LRRC53: variants seen among roughly 807,000 people sequenced by gnomAD.
The protein encoded by LRRC53 is leucine rich repeat containing 53.
In LRRC53, 25 loss-of-function variants were observed where a neutral mutation model predicts 13.6. The observed-to-expected ratio is 1.83, with a 90% confidence interval of 1.34 to 2.56. The LOEUF (loss-of-function observed/expected upper bound fraction) is 2.56. LRRC53 is among the 30% of genes most tolerant of loss of function. LRRC53 has a pLI of 0.00. For synonymous variants in LRRC53, 204 were observed against 109.8 expected (o/e 1.86, Z -5.37); for missense variants, 527 against 275.8 (o/e 1.91, Z -6.45).
chr1:74,515,023 A>G (rs990947656), upstream of LRRC53, among the ~76,000 whole-genome samples: 2 of 152,200 alleles, frequency 1.3e-5, no homozygotes, highest in African/African-American at 2.4e-5. Flanking sequence ...CTAGAAGCCA[A>G]GGAATATAAG....
At chr1:74,525,363 A>T in the LRRC53 span, among the ~76,000 whole-genome samples, 2 of 152,184 alleles carry the variant, frequency 1.3e-5, no homozygotes, top group African/African-American at 4.8e-5. Flanking sequence ...ACAAAAAAGG[A>T]ATGTGAGGCA....
intron 1 of LRRC53, among the ~76,000 whole-genome samples, chr1:74,502,542 G>A (rs934716150): frequency 3.2e-4 from 49 of 152,314 alleles, no homozygotes; most frequent in African/African-American, 8.2e-4. Flanking sequence ...TTGCCAACAT[G>A]TTTGCCAACA....
rs1035299252 is a variant in LRRC53 at position 74,472,041 on chromosome 1, G to A, written c.1581C>T (p.Ser527=). ...CAGGCTCACAAGGCTTGGATGATGA[G>A]CTTGTAATAAAATGTCTTTGCCTAT... ...HPHRQRHFIT[S]SSSKPCEPEE... is the part of the protein sequence containing the mutation. Residue 527 remains serine (S), a synonymous_variant, in exon 5 of 5, where the codon AGC becomes AGT. Transcript: ENST00000294635. 4.2e-6 allele frequency: 3 copies of A among 710,758 alleles called. No homozygotes were observed. Among genetic ancestry groups the A allele is most frequent in the Non-Finnish European group, 7.8e-6 (3 of 382,392 alleles). The allele number at this position is 710,758 out of a possible 1,614,324, so 44.0% of individuals were successfully genotyped here. A position where few individuals can be genotyped will look rare whatever the true frequency, so the allele number is the denominator to read the frequency against.
rs900917179 is a variant in LRRC53 at position 74,471,319 on chromosome 1, G to A, written c.2303C>T (p.Ala768Val). The A allele has an allele frequency of 1.0e-5, 4 of 400,544 alleles. No individual in the cohort carries two copies. Among genetic ancestry groups the A allele is most frequent in the African/African-American group, 4.1e-5 (2 of 48,684 alleles). The allele number at this position is 400,544 out of a possible 1,614,324, so 24.8% of individuals were successfully genotyped here. A position where few individuals can be genotyped will look rare whatever the true frequency, so the allele number is the denominator to read the frequency against. ...TEAKINTVCS[A>V]DFLQQSESSN... ...ACTCTCTGACTGTTGAAGAAAATCT[G>A]CAGAACACACAGTATTTATTTTGGC... The change falls in exon 5 of 5, where the codon GCA (alanine) becomes GTA (valine). Residue 768 changes from alanine (A) to valine (V), a missense_variant. Physicochemically the swap from Ala to Val is moderately conservative, Grantham distance 64. Transcript: ENST00000294635.
chr1:74,500,252 T>G (rs1386500988), intron 1 of LRRC53, among the ~76,000 whole-genome samples: 1 of 152,120 alleles, frequency 6.6e-6, no homozygotes, highest in Admixed American at 6.6e-5. Context: ...TTATTTAGGC[T>G]TACCTCATGT....
At chr1:74,489,263 T>C (rs1199616012) in intron 1 of LRRC53, 1 of 1,604,532 alleles carries the variant, frequency 6.2e-7, no homozygotes, top group South Asian at 1.1e-5. Context: ...AAGCTTTAGC[T>C]TCTGAAATAT....
intron 1 of LRRC53, among the ~76,000 whole-genome samples, chr1:74,505,575 A>G (rs1178846250): frequency 6.6e-6 from 1 of 152,166 alleles, no homozygotes; most frequent in Non-Finnish European, 1.5e-5. Context: ...TTTCACCTTT[A>G]ACATCTTCCA....
intron 1 of LRRC53, among the ~76,000 whole-genome samples, chr1:74,499,490 G>T (rs1669499099): frequency 6.6e-6 from 1 of 151,994 alleles, no homozygotes; most frequent in Non-Finnish European, 1.5e-5. Flanking sequence ...ATTAATTATT[G>T]TCAATCTCTC....
rs1009572312 is a variant in LRRC53 at position 74,480,553 on chromosome 1, A to T, written c.504T>A (p.Phe168Leu). The change falls in exon 3 of 5, where the codon TTT (phenylalanine) becomes TTA (leucine). Residue 168 changes from phenylalanine to leucine, a missense_variant. Transcript: ENST00000294635. ...SLRYLDLSNN[F>L]ISYIGKDAFR... ...AGGCATCTTTCCCAATGTAGGAAAT[A>T]AAATTGTTGGATAAATCCAGATACC... The T allele has an allele frequency of 1.4e-6, 1 of 717,306 alleles. No individual in the cohort carries two copies. Among genetic ancestry groups the T allele is most frequent in the African/African-American group, 1.7e-5 (1 of 57,272 alleles). The allele number at this position is 717,306 out of a possible 1,614,324, so 44.4% of individuals were successfully genotyped here.
At chr1:74,532,304 G>C in the LRRC53 span, among the ~76,000 whole-genome samples, 1 of 152,022 alleles carries the variant, frequency 6.6e-6, no homozygotes, top group Non-Finnish European at 1.5e-5. Flanking sequence ...TTCTGATTTT[G>C]CTCTGATTAT....
At chr1:74,486,507 C>CTT (rs397940623) in intron 1 of LRRC53, among the ~76,000 whole-genome samples, 1,730 of 137,004 alleles carry the variant, frequency 0.013, 13 homozygotes, top group South Asian at 0.024. Flanking sequence ...TTGTTTTTTG[C>CTT]TTTTTTTTTT....
At chr1:74,489,246 G>C in intron 1 of LRRC53, 1 of 1,611,004 alleles carries the variant, frequency 6.2e-7, no homozygotes. Flanking sequence ...CTGCAACATT[G>C]AGGTAAAAGC....
intron 1 of LRRC53, among the ~76,000 whole-genome samples, chr1:74,505,627 C>A (rs1387644940): frequency 1.3e-5 from 2 of 152,200 alleles, no homozygotes; most frequent in East Asian, 3.9e-4. Context: ...AAAATGGCAT[C>A]GTTCTTCCTT....
intron 1 of LRRC53, among the ~76,000 whole-genome samples, chr1:74,509,747 CTTTTTTTT>C (rs68193106): frequency 3.8e-4 from 18 of 47,786 alleles, no homozygotes; most frequent in African/African-American, 6.8e-4. Context: ...ATCTGAATTT[CTTTTTTTT>C]TTTTTTTTTT....
At chr1:74,497,922 G>C (rs775270994) in intron 1 of LRRC53, among the ~76,000 whole-genome samples, 2 of 152,176 alleles carry the variant, frequency 1.3e-5, no homozygotes, top group Non-Finnish European at 2.9e-5. Flanking sequence ...TAAACAGAGA[G>C]TGATACTGTC....
In LRRC53 at chr1:74,480,911, T is replaced by G. The variant is rs549581931; in HGVS notation, c.146A>C (p.Glu49Ala). 48 of 717,356 alleles carry G rather than the reference T, an allele frequency of 6.7e-5. No individual in the cohort carries two copies. In the African/African-American group the frequency reaches 8.2e-4, roughly 12 times the overall value. 44.4% of individuals were successfully genotyped at this position (717,356 alleles called of 1,614,324 possible). A position where few individuals can be genotyped will look rare whatever the true frequency, so the allele number is the denominator to read the frequency against. Residue 49 changes from glutamate (E) to alanine (A), a missense_variant, in exon 3 of 5, where the codon GAG (glutamate) becomes GCG (alanine). Coordinates refer to ENST00000294635, the MANE Select transcript of LRRC53 (RefSeq NM_001382280.1). ...AAACAAGAGAGACAGGTTTGTGCTC[T>G]CAATAGAGGAGAGATATCCATCGGT... ...IITDGYLSSI[E>A]STNLSLLFNL...
intron 3 of LRRC53, among the ~76,000 whole-genome samples, chr1:74,477,651 T>A (rs977818804): frequency 6.6e-6 from 1 of 152,212 alleles, no homozygotes; most frequent in Non-Finnish European, 1.5e-5. Context: ...TGTGTCTGAA[T>A]GGCAGGGACC....
intron 1 of LRRC53, among the ~76,000 whole-genome samples, chr1:74,505,196 C>A (rs1669831875): frequency 6.6e-6 from 1 of 152,144 alleles, no homozygotes; most frequent in South Asian, 2.1e-4. Flanking sequence ...AGACTTGGCC[C>A]AAAAATGCTG....
At chr1:74,503,409 T>C (rs1179928936) in intron 1 of LRRC53, among the ~76,000 whole-genome samples, 1 of 152,232 alleles carries the variant, frequency 6.6e-6, no homozygotes, top group African/African-American at 2.4e-5. Flanking sequence ...CAAAAGACTG[T>C]AGTGCTTATT....
Sources: gnomAD v4.1 joint callset for allele counts (sites outside exome capture counted in the v4.1 genomes callset) on GRCh38, gnomAD v4.1.1 for gene constraint, MANE v1.5 for transcripts, NCBI Gene and HGNC (gene_info 2026-07-23, HGNC 2026-07-21) for gene names.